The following SLC35F4 variants were observed in gnomAD, a reference collection of about 807,000 sequenced individuals.
SLC35F4 encodes the protein chromosome 14 open reading frame 36.
In SLC35F4, 24 loss-of-function variants were observed where a neutral mutation model predicts 44.2. The ratio of observed to expected loss-of-function variants is 0.54; its 90% confidence interval spans 0.39 to 0.76. SLC35F4 has a LOEUF of 0.76. SLC35F4 is among the 30% of genes least tolerant of loss of function. SLC35F4 has a pLI of 0.00. For missense variants in SLC35F4, 562 were observed against 586.1 expected, an observed-to-expected ratio of 0.96 and a Z score of 0.42; for synonymous variants, 238 against 223.6, an observed-to-expected ratio of 1.06 and a Z score of -0.57.
intron 1 of SLC35F4, among the ~76,000 whole-genome samples, chr14:57,930,189 C>T (rs763672730): frequency 3.9e-5 from 6 of 152,190 alleles, no homozygotes; most frequent in Non-Finnish European, 7.3e-5. Context: ...CAAGTTAATT[C>T]AGTGTGATTT....
At chr14:57,637,563 A>T (rs1270037883) in intron 1 of SLC35F4, among the ~76,000 whole-genome samples, 1 of 152,114 alleles carries the variant, frequency 6.6e-6, no homozygotes, top group Non-Finnish European at 1.5e-5. Context: ...CTCTCCGAGG[A>T]TGGTTTAGCT....
chr14:57,884,880 G>A (rs930676000), intron 1 of SLC35F4, among the ~76,000 whole-genome samples: 1 of 151,958 alleles, frequency 6.6e-6, no homozygotes, highest in South Asian at 2.1e-4. Flanking sequence ...AAACACAGAA[G>A]GTATAAACTT....
At chr14:57,906,859 T>A (rs1889111954) in intron 1 of SLC35F4, among the ~76,000 whole-genome samples, 1 of 152,214 alleles carries the variant, frequency 6.6e-6, no homozygotes, top group Non-Finnish European at 1.5e-5. Context: ...ATTCAAGTAA[T>A]CATGTATGTG....
intron 5 of SLC35F4, among the ~76,000 whole-genome samples, chr14:57,570,708 T>C (rs564220172): frequency 1.3e-5 from 2 of 152,342 alleles, no homozygotes; most frequent in South Asian, 4.1e-4. Context: ...CCTGGAATTA[T>C]ATTATGCTGC....
At chr14:57,814,460 G>GC (rs754308180) in intron 1 of SLC35F4, among the ~76,000 whole-genome samples, 4 of 152,190 alleles carry the variant, frequency 2.6e-5, no homozygotes, top group Non-Finnish European at 5.9e-5. Context: ...ACATAAAGCA[G>GC]TCTTTCTTCT....
At chr14:57,842,916 G>A (rs1235199758) in intron 1 of SLC35F4, among the ~76,000 whole-genome samples, 2 of 152,174 alleles carry the variant, frequency 1.3e-5, no homozygotes, top group East Asian at 1.9e-4. Flanking sequence ...GAATAAAGCA[G>A]GCAGAAGAAG....
chr14:57,698,990 G>A (rs564769346), intron 1 of SLC35F4, among the ~76,000 whole-genome samples: 2 of 152,206 alleles, frequency 1.3e-5, no homozygotes, highest in East Asian at 3.9e-4. Context: ...CAAAAAAGGA[G>A]AATTTGCTGT....
chr14:57,572,326 T>C (rs893004620), intron 4 of SLC35F4, among the ~76,000 whole-genome samples: 3 of 152,150 alleles, frequency 2.0e-5, no homozygotes, highest in African/African-American at 7.2e-5. Context: ...GGGACTAACA[T>C]TTGTACTGGT....
intron 1 of SLC35F4, chr14:57,602,498 CA>C (rs2070888736): frequency 6.6e-6 from 1 of 152,146 alleles, no homozygotes; most frequent in East Asian, 1.9e-4. Flanking sequence ...ATTTGTATTG[CA>C]GTAGAATCTT....
intron 1 of SLC35F4, among the ~76,000 whole-genome samples, chr14:57,715,612 C>T (rs1249672140): frequency 6.6e-6 from 1 of 152,104 alleles, no homozygotes; most frequent in Non-Finnish European, 1.5e-5. Flanking sequence ...ATGGAGATGA[C>T]AGTTTTTGAA....
chr14:57,851,747 T>C (rs1248907763), intron 1 of SLC35F4, among the ~76,000 whole-genome samples: 1 of 152,176 alleles, frequency 6.6e-6, no homozygotes, highest in Admixed American at 6.5e-5. Flanking sequence ...GAAAAACTGG[T>C]GAAATCCAAA....
chr14:57,947,392 C>A (rs1399816939), intron 1 of SLC35F4, among the ~76,000 whole-genome samples: 1 of 151,972 alleles, frequency 6.6e-6, no homozygotes, highest in Non-Finnish European at 1.5e-5. Flanking sequence ...TGTCCTGAAA[C>A]TTTACTGAAT....
intron 1 of SLC35F4, among the ~76,000 whole-genome samples, chr14:57,676,916 T>C (rs1180004620): frequency 6.6e-6 from 1 of 152,046 alleles, no homozygotes; most frequent in African/African-American, 2.4e-5. Flanking sequence ...TACTGGGACC[T>C]ACCCAGAGGA....
chr14:57,565,701 G>GAGTT (rs989988798), intron 7 of SLC35F4, among the ~76,000 whole-genome samples: 7 of 151,934 alleles, frequency 4.6e-5, no homozygotes, highest in African/African-American at 1.7e-4. Context: ...TTATTCTGTA[G>GAGTT]AGTTCCAAGT....
At chr14:57,982,866 C>G (rs547660845), upstream of SLC35F4, among the ~76,000 whole-genome samples, 2 of 152,122 alleles carry the variant, frequency 1.3e-5, no homozygotes, top group Non-Finnish European at 2.9e-5. Context: ...ATGGGCCTCA[C>G]CCGCATTGAG....
chr14:57,714,370 G>C (rs536672986), intron 1 of SLC35F4, among the ~76,000 whole-genome samples: 1 of 152,188 alleles, frequency 6.6e-6, no homozygotes, highest in East Asian at 1.9e-4. Context: ...TGTTCTACCA[G>C]ACCAGCTAAA....
At chr14:57,900,497 T>C (rs894372819) in intron 1 of SLC35F4, among the ~76,000 whole-genome samples, 2 of 152,158 alleles carry the variant, frequency 1.3e-5, no homozygotes, top group African/African-American at 4.8e-5. Context: ...CCCCTCTCTT[T>C]CTAGAAGAGA....
intron 1 of SLC35F4, among the ~76,000 whole-genome samples, chr14:57,961,955 T>C (rs950691587): frequency 6.6e-6 from 1 of 152,208 alleles, no homozygotes; most frequent in African/African-American, 2.4e-5. Context: ...CCTGAGAGAC[T>C]GAATTACCCA....
At chr14:57,938,595 T>C (rs1028503760) in intron 1 of SLC35F4, among the ~76,000 whole-genome samples, 5 of 152,246 alleles carry the variant, frequency 3.3e-5, no homozygotes, top group African/African-American at 1.2e-4. Flanking sequence ...TTTTCTCTTT[T>C]GTCTTTGATT....
Sources: gnomAD v4.1 joint callset for allele counts (sites outside exome capture counted in the v4.1 genomes callset) on GRCh38, gnomAD v4.1.1 for gene constraint, MANE v1.5 for transcripts, NCBI Gene and HGNC (gene_info 2026-07-23, HGNC 2026-07-21) for gene names.